The following ANKS1A variants were observed in gnomAD, a reference collection of about 807,000 sequenced individuals.
ANKS1A encodes ankyrin repeat and sterile alpha motif domain containing 1A.
In ANKS1A, 55 loss-of-function variants were observed where a neutral mutation model predicts 120.3. The observed-to-expected ratio is 0.46, with a 90% CI of 0.37 to 0.57. The LOEUF (loss-of-function observed/expected upper bound fraction) is 0.57, where lower values mean the gene tolerates loss of function less well. Ranked by LOEUF, ANKS1A falls within the 20% of genes least tolerant of loss-of-function variation. ANKS1A has a pLI of 0.00. For synonymous variants in ANKS1A, 590 were observed against 604.7 expected (o/e 0.98, Z 0.36); for missense variants, 1,123 against 1,480.3 (o/e 0.76, Z 3.96).
intron 1 of ANKS1A, among the ~76,000 whole-genome samples, chr6:34,896,090 G>C (rs576019180): frequency 2.3e-3 from 332 of 146,850 alleles, no homozygotes; most frequent in African/African-American, 7.6e-3. Context: ...TTTTTTCAGA[G>C]ACAGTGTCTC....
At chr6:34,941,002 T>G (rs1443517524) in intron 1 of ANKS1A, among the ~76,000 whole-genome samples, 2 of 152,164 alleles carry the variant, frequency 1.3e-5, no homozygotes, top group Non-Finnish European at 2.9e-5. Context: ...AAAAATTTTT[T>G]TTTTGAGATG....
At chr6:35,096,913 A>AC in the ANKS1A span, among the ~76,000 whole-genome samples, 33 of 151,654 alleles carry the variant, frequency 2.2e-4, 1 homozygote, top group South Asian at 8.4e-4. Context: ...AGAAAAAAAA[A>AC]ACACACACAA....
chr6:35,067,886 ATTTTTTT>A (rs750257307), intron 13 of ANKS1A, among the ~76,000 whole-genome samples: 2 of 106,892 alleles, frequency 1.9e-5, no homozygotes, highest in Admixed American at 1.0e-4. Context: ...TTCATTTTCA[ATTTTTTT>A]TTTTTTTTTT....
At chr6:34,907,434 C>A (rs933169938) in intron 1 of ANKS1A, among the ~76,000 whole-genome samples, 2 of 152,176 alleles carry the variant, frequency 1.3e-5, no homozygotes, top group African/African-American at 4.8e-5. Flanking sequence ...CTGAGGTCAG[C>A]TGTGAGAAAC....
At chr6:34,900,508 C>A (rs1024308849) in intron 1 of ANKS1A, among the ~76,000 whole-genome samples, 2 of 151,810 alleles carry the variant, frequency 1.3e-5, no homozygotes, top group Non-Finnish European at 2.9e-5. Flanking sequence ...CCAGGTTGGT[C>A]TCAAGTTCTG....
intron 10 of ANKS1A, among the ~76,000 whole-genome samples, chr6:34,995,929 A>C (rs1347797917): frequency 6.6e-6 from 1 of 152,212 alleles, no homozygotes; most frequent in Non-Finnish European, 1.5e-5. Flanking sequence ...TATGAATGGG[A>C]TTGCTGGGTA....
chr6:35,010,168 A>C (rs1040014167), intron 10 of ANKS1A, among the ~76,000 whole-genome samples: 1 of 152,032 alleles, frequency 6.6e-6, no homozygotes, highest in African/African-American at 2.4e-5. Flanking sequence ...CCTATCTCCA[A>C]AATAATAATA....
intron 1 of ANKS1A, among the ~76,000 whole-genome samples, chr6:34,922,016 CTTT>C (rs558428378): frequency 1.0e-4 from 14 of 133,566 alleles, no homozygotes; most frequent in East Asian, 2.2e-4. Context: ...AATTGACTTC[CTTT>C]TTTTTTTTTT....
At chr6:34,973,848 C>T (rs1771307991) in intron 3 of ANKS1A, among the ~76,000 whole-genome samples, 4 of 114,606 alleles carry the variant, frequency 3.5e-5, no homozygotes, top group Admixed American at 8.4e-5. Context: ...CTTCCCTTCC[C>T]CTTCCCCTTG....
chr6:34,923,156 A>G (rs1461122442), intron 1 of ANKS1A, among the ~76,000 whole-genome samples: 1 of 152,244 alleles, frequency 6.6e-6, no homozygotes. Flanking sequence ...GAACCAAAAC[A>G]GAATTCAGAT....
intron 1 of ANKS1A, among the ~76,000 whole-genome samples, chr6:34,932,274 C>G (rs988999268): frequency 2.6e-5 from 4 of 152,238 alleles, no homozygotes; most frequent in African/African-American, 4.8e-5. Flanking sequence ...CAACCTCGGC[C>G]TCCCGGGTTC....
intron 13 of ANKS1A, among the ~76,000 whole-genome samples, chr6:35,076,934 T>G (rs1005792571): frequency 1.3e-5 from 2 of 152,126 alleles, no homozygotes; most frequent in Admixed American, 1.3e-4. Flanking sequence ...CTGGCCACAA[T>G]AGTCCCTATT....
Position 34,989,428 on chromosome 6 carries a change from T to C in ANKS1A, c.1302+112T>C. 3 of 994,632 alleles carry C rather than the reference T, an allele frequency of 3.0e-6. No individual in the cohort carries two copies. The South Asian group carries it at 4.6e-5, about 15-fold the overall frequency. The allele number at this position is 994,632 out of a possible 1,614,324, so 61.6% of individuals were successfully genotyped here. A position where few individuals can be genotyped will look rare whatever the true frequency, so the allele number is the denominator to read the frequency against. On this transcript the variant is annotated intron_variant, in intron 9 of 23. Coordinates refer to ENST00000360359, the MANE Select transcript of ANKS1A (RefSeq NM_015245.3). ...CTCATCTTCTCATCAGCTCTTTGGA[T>C]TATAAATTTGTATTATGTGTACTAG...
rs2127482451 is a variant in ANKS1A at position 34,940,374 on chromosome 6, G to A, written c.198-26865G>A. Among the ~76,000 whole-genome samples the A allele has an allele frequency of 2.0e-5, 3 of 152,268 alleles. No individual in the cohort carries two copies. In the Middle Eastern group the frequency reaches 0.01, roughly 518 times the overall value. On this transcript the variant is annotated intron_variant, in intron 1 of 23. Coordinates refer to ENST00000360359, the MANE Select transcript of ANKS1A (RefSeq NM_015245.3). ...TTAACCAATGTGCAGAGTGTTCAGG[G>A]CAATATACTTGGAATGACCTTTGTC... is the stretch of plus-strand genomic sequence containing the variant.
intron 1 of ANKS1A, among the ~76,000 whole-genome samples, chr6:34,934,136 T>TTTTATTTA (rs745667922): frequency 6.6e-6 from 1 of 151,868 alleles, no homozygotes; most frequent in Non-Finnish European, 1.5e-5. Flanking sequence ...GGCACTTTAT[T>TTTTATTTA]TTTATTTATT....
At chr6:34,945,131 A>G (rs1030490476) in intron 1 of ANKS1A, among the ~76,000 whole-genome samples, 6 of 152,188 alleles carry the variant, frequency 3.9e-5, no homozygotes, top group Admixed American at 1.3e-4. Flanking sequence ...GCTGGAATGC[A>G]GTGGGGAGAA....
At chr6:35,075,666 G>A (rs901212297) in intron 13 of ANKS1A, among the ~76,000 whole-genome samples, 3 of 152,028 alleles carry the variant, frequency 2.0e-5, no homozygotes, top group South Asian at 4.1e-4. Context: ...TGCCCACTTC[G>A]ATCTCCCAAA....
In ANKS1A at chr6:35,054,149, A is replaced by T. The variant is rs778829726; in HGVS notation, c.2061A>T (p.Glu687Asp). Reference protein sequence around the residue: ...SIGEGIDFSQERQKISGLRTL... With the variant: ...SIGEGIDFSQDRQKISGLRTL... Reference sequence around the variant, plus strand: ...GAGAAGGGATTGACTTTTCTCAGGAACGGCAGAAGATCTCAGGTACCGTAC... The same window carrying T: ...GAGAAGGGATTGACTTTTCTCAGGATCGGCAGAAGATCTCAGGTACCGTAC... The change falls in exon 12 of 24, where the codon GAA becomes GAT. Residue 687 changes from glutamate to aspartate, a missense_variant. Physicochemically the swap from Glu to Asp is conservative, Grantham distance 45. Around this residue, in one of 3 missense-constraint regions of ANKS1A, gnomAD observed 904 missense variants for 1,130.4 expected, o/e 0.80. Coordinates refer to ENST00000360359, the MANE Select transcript of ANKS1A (RefSeq NM_015245.3). The T allele has an allele frequency of 6.2e-7, 1 of 1,613,954 alleles. No homozygotes were observed. Among genetic ancestry groups the T allele is most frequent in the Non-Finnish European group, 8.5e-7 (1 of 1,179,932 alleles).
intron 11 of ANKS1A, among the ~76,000 whole-genome samples, chr6:35,037,969 G>A (rs1425359419): frequency 6.6e-6 from 1 of 152,126 alleles, no homozygotes; most frequent in African/African-American, 2.4e-5. Flanking sequence ...CTGGGCCAGG[G>A]AGAGGGCACG....
Sources: gnomAD v4.1 joint callset for allele counts (sites outside exome capture counted in the v4.1 genomes callset) on GRCh38, gnomAD v4.1.1 for gene constraint, gnomAD v4.1.1 regional missense constraint, MANE v1.5 for transcripts, NCBI Gene and HGNC (gene_info 2026-07-23, HGNC 2026-07-21) for gene names.